PCDHGA5: variants seen among roughly 807,000 people sequenced by gnomAD.
The protein encoded by PCDHGA5 is protocadherin gamma-A5.
A neutral mutation model predicts 56.7 loss-of-function variants in PCDHGA5; 36 were observed. The ratio of observed to expected loss-of-function variants is 0.64; its 90% CI spans 0.49 to 0.84. PCDHGA5 has a LOEUF of 0.84. PCDHGA5 is among the 40% of genes least tolerant of loss of function. PCDHGA5 has a pLI of 0.00. For synonymous variants in PCDHGA5, 563 were observed against 520.2 expected, an observed-to-expected ratio of 1.08 and a Z score of -1.12; for missense variants, 1,305 against 1,201.5, an observed-to-expected ratio of 1.09 and a Z score of -1.27.
At position 141,366,595 on chromosome 5, in the gene PCDHGA5, C is replaced by G. The variant is rs373756207; in HGVS notation, c.2265C>G (p.His755Gln). 4.3e-6 allele frequency: 7 copies of G among 1,614,146 alleles called. No individual in the cohort carries two copies. The Admixed American group carries it at 8.3e-5, about 19-fold the overall frequency. Residue 755 changes from histidine (H) to glutamine (Q), a missense_variant, in exon 1 of 4, where the codon CAC (histidine) becomes CAG (glutamine). Coordinates refer to ENST00000518069, the MANE Select transcript of PCDHGA5 (RefSeq NM_018918.3). The part of the protein sequence containing the change: ...GVRAFLQTYS[H>Q]EVSLTADSRK... ...GGGCTTTCCTGCAGACCTATTCCCA[C>G]GAGGTCTCCCTCACCGCGGACTCGA...
At chr5:141,437,878 C>A (rs1047761465) in intron 1 of PCDHGA5, among the ~76,000 whole-genome samples, 13 of 151,996 alleles carry the variant, frequency 8.6e-5, no homozygotes, top group Non-Finnish European at 1.5e-4. Flanking sequence ...GCTGGGACTA[C>A]AGGCACACGC....
chr5:141,413,588 A>G, intron 1 of PCDHGA5: 1 of 1,613,922 alleles, frequency 6.2e-7, no homozygotes, highest in Non-Finnish European at 8.5e-7. Context: ...CCAAAATTCC[A>G]AGCAGAAAAT....
intron 2 of PCDHGA5, among the ~76,000 whole-genome samples, chr5:141,500,904 C>T (rs2099803610): frequency 6.6e-6 from 1 of 151,662 alleles, no homozygotes; most frequent in Non-Finnish European, 1.5e-5. Context: ...CAGTCTCGCT[C>T]TGTCTCCAGG....
At chr5:141,388,376 C>A in intron 1 of PCDHGA5, 1 of 1,613,944 alleles carries the variant, frequency 6.2e-7, no homozygotes, top group Non-Finnish European at 8.5e-7. Context: ...ATATTGGTAG[C>A]AACACACTGC....
chr5:141,366,145 CT>C lies in PCDHGA5; in HGVS notation c.1816del (p.Tyr606ThrfsTer70). 6.2e-7 allele frequency: 1 copy of C among 1,614,192 alleles called. No individual in the cohort carries two copies. Among genetic ancestry groups the C allele is most frequent in the East Asian group, 2.2e-5 (1 of 44,884 alleles). On this transcript the variant is annotated frameshift_variant, in exon 1 of 4. Transcript: ENST00000518069. LOFTEE classifies it high-confidence loss of function. ...KDSGQNAWLS[Y>X]RLLKASEPGL... is the part of the protein sequence containing the mutation. The stretch of plus-strand genomic sequence containing the variant: ...ATTCAGGCCAGAACGCCTGGCTGTC[CT>C]ACCGCCTGCTTAAGGCCAGCGAGCC...
Position 141,476,854 on chromosome 5 carries a change from G to A in PCDHGA5, c.2422-17953G>A. The A allele has an allele frequency of 6.2e-7, 1 of 1,613,860 alleles. No individual in the cohort carries two copies. The highest frequency in any genetic ancestry group is 1.1e-5 in the South Asian group (1 of 91,088). ...ATGACAATGCGCCTGTCTTCAACCA[G>A]TCCTTGTACCGGGCGCGCGTCCTGG... On this transcript the variant is annotated intron_variant, in intron 1 of 3. Transcript: ENST00000518069. This position sits in a 1 kb window ranked among gnomAD's most constrained non-coding sequence, Gnocchi z 7.6.
intron 1 of PCDHGA5, chr5:141,427,959 C>A: frequency 1.3e-6 from 2 of 1,588,886 alleles, no homozygotes; most frequent in Non-Finnish European, 1.7e-6. Flanking sequence ...CAATGTGCCG[C>A]GGGTGCTGTA....
intron 1 of PCDHGA5, chr5:141,421,118 T>A (rs572827470): frequency 1.3e-6 from 1 of 771,946 alleles, no homozygotes; most frequent in South Asian, 1.9e-5. Flanking sequence ...GTATTTTCCT[T>A]CGCTTTCTGA....
At chr5:141,384,676 G>A in intron 1 of PCDHGA5, 4 of 1,614,214 alleles carry the variant, frequency 2.5e-6, no homozygotes, top group Non-Finnish European at 3.4e-6. Flanking sequence ...CAAGGTGGTG[G>A]CGGTGGACAA....
At position 141,487,144 on chromosome 5, in the gene PCDHGA5, C is replaced by T. The variant is rs2099640304; in HGVS notation, c.2422-7663C>T. The T allele has an allele frequency of 6.2e-7, 1 of 1,614,032 alleles. No homozygotes were observed. Among genetic ancestry groups the T allele is most frequent in the African/African-American group, 1.3e-5 (1 of 75,056 alleles). On this transcript the variant is annotated intron_variant, in intron 1 of 3. Coordinates refer to ENST00000518069, the MANE Select transcript of PCDHGA5 (RefSeq NM_018918.3). This position sits in a 1 kb window ranked among gnomAD's most constrained non-coding sequence, Gnocchi z 5.0. ...ATAGTGGTAGTCCACCACTCTCTAC[C>T]TCTGTTACTCTCTTAGTGTCCTTAG...
rs758579068 is a variant in PCDHGA5, at chr5:141,485,232, T to C, written c.2422-9575T>C. 6.2e-7 allele frequency: 1 copy of C among 1,614,136 alleles called. No individual in the cohort carries two copies. The highest frequency in any genetic ancestry group is 8.5e-7 in the Non-Finnish European group (1 of 1,180,016). Reference sequence around the variant, plus strand: ...TGGCGGTGGGCTACCCTTTTGTTCCTCTTTTACCACCTGGGTTACGTTTGT... The same window carrying C: ...TGGCGGTGGGCTACCCTTTTGTTCCCCTTTTACCACCTGGGTTACGTTTGT... On this transcript the variant is annotated intron_variant, in intron 1 of 3. Coordinates refer to ENST00000518069, the MANE Select transcript of PCDHGA5 (RefSeq NM_018918.3). This position sits in a 1 kb window ranked among gnomAD's most constrained non-coding sequence, Gnocchi z 5.7.
chr5:141,452,710 G>GAAGT (rs1343622540), intron 1 of PCDHGA5, among the ~76,000 whole-genome samples: 1 of 151,996 alleles, frequency 6.6e-6, no homozygotes, highest in Non-Finnish European at 1.5e-5. Flanking sequence ...AGAAAGGAAG[G>GAAGT]AATGAGGGAG....
At chr5:141,390,532 T>C (rs1413146925) in intron 1 of PCDHGA5, 1 of 531,632 alleles carries the variant, frequency 1.9e-6, no homozygotes, top group Admixed American at 3.5e-5. Context: ...GGTGTGGTTT[T>C]AACCACAAAG....
At chr5:141,376,831 C>A in intron 1 of PCDHGA5, 1 of 256,752 alleles carries the variant, frequency 3.9e-6, no homozygotes, top group Non-Finnish European at 7.4e-6. Context: ...GGACTACAGG[C>A]GCCCGCCACC....
At chr5:141,468,160 G>C (rs2099158881) in intron 1 of PCDHGA5, among the ~76,000 whole-genome samples, 1 of 151,468 alleles carries the variant, frequency 6.6e-6, no homozygotes, top group African/African-American at 2.4e-5. Context: ...CCCTGTCTCT[G>C]CTAAAAATAG....
intron 1 of PCDHGA5, chr5:141,413,229 C>T (rs200934469): frequency 6.2e-7 from 1 of 1,613,914 alleles, no homozygotes; most frequent in African/African-American, 1.3e-5. Context: ...GCGGGCTGGT[C>T]CTGCTCTGCC....
intron 1 of PCDHGA5, chr5:141,393,488 A>G: frequency 1.9e-6 from 3 of 1,614,066 alleles, no homozygotes; most frequent in Non-Finnish European, 2.5e-6. Context: ...GCTCTAGCAC[A>G]GTGCGCATCC....
At chr5:141,469,362 G>GT (rs1212141268) in intron 1 of PCDHGA5, among the ~76,000 whole-genome samples, 4 of 152,084 alleles carry the variant, frequency 2.6e-5, no homozygotes, top group Non-Finnish European at 5.9e-5. Flanking sequence ...GGATCATGAG[G>GT]TAAAGAGATC....
At position 141,414,719 on chromosome 5, in the gene PCDHGA5, C is replaced by T. The variant is rs1361757630; in HGVS notation, c.2421+47968C>T. On this transcript the variant is annotated intron_variant, in intron 1 of 3. Transcript: ENST00000518069. ...TCATACATATCCATCAACTCAGACA[C>T]TGGCGTCCTGTATGCACTCAGATCC... The T allele has an allele frequency of 1.2e-6, 2 of 1,614,050 alleles. No individual in the cohort carries two copies. Among genetic ancestry groups the T allele is most frequent in the African/African-American group, 1.3e-5 (1 of 74,934 alleles).
Sources: allele counts gnomAD v4.1 joint callset (sites outside exome capture counted in the v4.1 genomes callset), GRCh38; gene constraint gnomAD v4.1.1; non-coding constraint Gnocchi (gnomAD v3.1); transcripts MANE v1.5; gene names NCBI Gene and HGNC (gene_info 2026-07-23, HGNC 2026-07-21).